The following RP1 variants were observed in gnomAD, a reference collection of about 807,000 sequenced individuals.
RP1 encodes oxygen-regulated protein 1.
RP1 carries 16 observed loss-of-function variants against 14.8 expected under a neutral mutation model. The ratio of observed to expected loss-of-function variants is 1.08; its 90% CI spans 0.73 to 1.65. The LOEUF is 1.65. Among genes scored for constraint, RP1 ranks in the 40% most tolerant of loss-of-function variants. The pLI, the probability that RP1 is intolerant of heterozygous loss-of-function variation, is 0.00. For missense variants in RP1, 2,631 were observed against 2,535.0 expected, an observed-to-expected ratio of 1.04 and a Z score of -0.81; for synonymous variants, 876 against 883.6, an observed-to-expected ratio of 0.99 and a Z score of 0.15.
intron 24 of RP1, among the ~76,000 whole-genome samples, chr8:54,784,337 C>G (rs1481289459): frequency 1.3e-5 from 2 of 152,060 alleles, no homozygotes; most frequent in Non-Finnish European, 2.9e-5. Flanking sequence ...ATTAATATTG[C>G]ACTACATAGG....
intron 24 of RP1, among the ~76,000 whole-genome samples, chr8:54,829,381 C>T (rs373929050): frequency 3.9e-5 from 6 of 152,004 alleles, no homozygotes; most frequent in South Asian, 2.1e-4. Flanking sequence ...TTTAAAAATA[C>T]GGTTTGTTGA....
intron 23 of RP1, among the ~76,000 whole-genome samples, chr8:54,777,963 A>G (rs1011899582): frequency 2.6e-5 from 4 of 152,208 alleles, no homozygotes; most frequent in African/African-American, 9.6e-5. Flanking sequence ...GTTAATTGAT[A>G]AATAGTTATA....
At chr8:54,870,047 G>A in exon 29 of RP1, 1 of 495,214 alleles carries the variant, frequency 2.0e-6, no homozygotes. Flanking sequence ...CACCTGGGGA[G>A]GGTCAGTTTG....
chr8:54,613,828 T>C (rs1469538964), upstream of RP1, among the ~76,000 whole-genome samples: 1 of 152,098 alleles, frequency 6.6e-6, no homozygotes, highest in African/African-American at 2.4e-5. Context: ...TAATCAAAAC[T>C]ACAGAGTAAG....
rs372573736 is a variant in RP1, at chr8:54,629,137, A to G, written c.5255A>G (p.His1752Arg). ...DKGKWLLKEN[H>R]LLRMSSENPG... The stretch of plus-strand genomic sequence containing the variant: ...GGCAAATGGCTTCTGAAAGAAAATC[A>G]TTTGCTAAGGATGTCATCTGAAAAT... Residue 1752 changes from histidine to arginine, a missense_variant, in exon 4 of 4, where the codon CAT becomes CGT. By Grantham distance (29) the His-to-Arg change is conservative. Coordinates refer to ENST00000220676, the MANE Select transcript of RP1 (RefSeq NM_006269.2). 1.2e-6 allele frequency: 2 copies of G among 1,614,018 alleles called. No individual in the cohort carries two copies. The highest frequency in any genetic ancestry group is 1.3e-5 in the African/African-American group (1 of 74,946).
At chr8:54,685,116 G>A (rs961218435) in intron 12 of RP1, among the ~76,000 whole-genome samples, 1 of 152,100 alleles carries the variant, frequency 6.6e-6, no homozygotes, top group African/African-American at 2.4e-5. Context: ...CCAGCTCCTG[G>A]ATTTGTTGAT....
At chr8:54,738,875 A>G (rs866859782) in intron 18 of RP1, 7 of 1,037,430 alleles carry the variant, frequency 6.7e-6, no homozygotes, top group Middle Eastern at 4.4e-4. Context: ...GTGTAAAAAG[A>G]AAGAATTTTT....
chr8:54,756,363 G>GATTACATAATTA (rs1475905171), intron 21 of RP1, among the ~76,000 whole-genome samples: 1 of 152,028 alleles, frequency 6.6e-6, no homozygotes, highest in East Asian at 1.9e-4. Flanking sequence ...TTAAGTTTGG[G>GATTACATAATTA]GATTATGTAA....
At chr8:54,756,779 C>T (rs1251608566) in intron 21 of RP1, among the ~76,000 whole-genome samples, 11 of 152,188 alleles carry the variant, frequency 7.2e-5, no homozygotes, top group Non-Finnish European at 1.6e-4. Flanking sequence ...TGTACCCTGG[C>T]TGCCTGCTAG....
At chr8:54,756,380 G>C (rs1033916024) in intron 21 of RP1, among the ~76,000 whole-genome samples, 1 of 152,170 alleles carries the variant, frequency 6.6e-6, no homozygotes, top group Non-Finnish European at 1.5e-5. Context: ...GTAATCTAAA[G>C]GCATATTTTT....
At chr8:54,602,549 C>A (rs1306589385) in intron 1 of RP1, among the ~76,000 whole-genome samples, 2 of 152,076 alleles carry the variant, frequency 1.3e-5, no homozygotes, top group Non-Finnish European at 2.9e-5. Flanking sequence ...TGGGTATATA[C>A]CCAGTAATGG....
intron 3 of RP1, among the ~76,000 whole-genome samples, chr8:54,644,077 A>G (rs1015691150): frequency 6.6e-6 from 1 of 152,224 alleles, no homozygotes; most frequent in African/African-American, 2.4e-5. Context: ...GGTATAATGC[A>G]TCTCGGACCA....
chr8:54,816,858 T>C (rs1426545819), intron 24 of RP1, among the ~76,000 whole-genome samples: 1 of 152,122 alleles, frequency 6.6e-6, no homozygotes, highest in African/African-American at 2.4e-5. Flanking sequence ...AGGGAGCTTC[T>C]CTCTGCTCCA....
rs746823852 is a variant in RP1 at position 54,629,853 on chromosome 8, C to T, written c.5971C>T (p.Gln1991Ter). The T allele has an allele frequency of 1.2e-6, 2 of 1,613,616 alleles. No homozygotes were observed. The highest frequency in any genetic ancestry group is 2.2e-5 in the East Asian group (1 of 44,846). Residue 1991 changes from glutamine to a stop codon, truncating the protein, a stop_gained, in exon 4 of 4, where the codon CAG (glutamine) becomes TAG (stop). Transcript: ENST00000220676. LOFTEE classifies it low-confidence loss of function (END_TRUNC). ...IDNAIGDIFD[Q>*]FYFSNTFDLM... ...TAATGCCATTGGTGATATATTTGAT[C>T]AGTTTTATTTCAGTAACACATTTGA...
At chr8:54,812,997 C>T (rs145787079) in intron 24 of RP1, among the ~76,000 whole-genome samples, 5 of 152,306 alleles carry the variant, frequency 3.3e-5, no homozygotes, top group Admixed American at 2.6e-4. Context: ...ACTTCTGTGC[C>T]ACAAGTCAAA....
rs372131732 is a variant in RP1 at position 54,757,669 on chromosome 8, G to A, written c.3094-1253G>A. The stretch of plus-strand genomic sequence containing the variant: ...ACAGAAGCAGGAGACAGGAGATTGA[G>A]ATAGAAAGCTATAAGCACACTGAAA... On this transcript the variant is annotated intron_variant, in intron 21 of 22. Coordinates refer to the RP1 transcript ENST00000636932. Among the ~76,000 whole-genome samples the A allele has an allele frequency of 5.9e-5, 9 of 152,346 alleles. No homozygotes were observed. The South Asian group carries it at 1.9e-3, about 32-fold the overall frequency.
chr8:54,787,874 C>T (rs1004992700), intron 24 of RP1, among the ~76,000 whole-genome samples: 4 of 152,204 alleles, frequency 2.6e-5, no homozygotes, highest in African/African-American at 9.7e-5. Flanking sequence ...ACCTCCAACT[C>T]TGCTCTTTAC....
In RP1 at chr8:54,760,559, C is replaced by A. The variant is rs16920694; in HGVS notation, c.3248+1483C>A. ...ATCACATCACTCTCCTGTTTAAAAACCTTCAATAATCCTCATTGCCTACCA... is the reference window on the plus strand; with the variant it reads ...ATCACATCACTCTCCTGTTTAAAAAACTTCAATAATCCTCATTGCCTACCA... On this transcript the variant is annotated intron_variant, in intron 22 of 22. Transcript: ENST00000636932. Among the ~76,000 whole-genome samples, 315 of 152,256 alleles carry A rather than the reference C, an allele frequency of 2.1e-3. 6 individuals carry two copies. In the East Asian group the frequency reaches 0.055, roughly 26 times the overall value.
chr8:54,860,641 G>A (rs1812322173), intron 27 of RP1, among the ~76,000 whole-genome samples: 1 of 152,212 alleles, frequency 6.6e-6, no homozygotes, highest in Non-Finnish European at 1.5e-5. Context: ...CGATTCCAGA[G>A]GTCCTCAGAC....
Sources: gnomAD v4.1 joint callset for allele counts (sites outside exome capture counted in the v4.1 genomes callset) on GRCh38, gnomAD v4.1.1 for gene constraint, MANE v1.5 for transcripts, NCBI Gene and HGNC (gene_info 2026-07-23, HGNC 2026-07-21) for gene names.